Variants in PCDHGA1 observed in about 807,000 individuals in gnomAD.
PCDHGA1 encodes protocadherin gamma-A1.
In PCDHGA1, 32 loss-of-function variants were observed where a neutral mutation model predicts 58.0. The observed-to-expected ratio is 0.55, with a 90% confidence interval of 0.42 to 0.74. The LOEUF (loss-of-function observed/expected upper bound fraction) is 0.74. PCDHGA1 is among the 30% of genes least tolerant of loss of function. The pLI is 0.00. For synonymous variants in PCDHGA1, 498 were observed against 501.1 expected (o/e 0.99, Z 0.08); for missense variants, 1,205 against 1,182.3 (o/e 1.02, Z -0.28).
At chr5:141,410,216 C>T in intron 1 of PCDHGA1, 1 of 1,614,002 alleles carries the variant, frequency 6.2e-7, no homozygotes, top group Non-Finnish European at 8.5e-7. Flanking sequence ...GCAAGAGATA[C>T]TGCCAGACCT....
At chr5:141,364,970 G>C in intron 1 of PCDHGA1, 2 of 1,613,914 alleles carry the variant, frequency 1.2e-6, no homozygotes, top group Non-Finnish European at 1.7e-6. Flanking sequence ...CCTCCTCACA[G>C]CTTTAGATGG....
chr5:141,365,229 A>G (rs1356332881), intron 1 of PCDHGA1: 2 of 1,613,824 alleles, frequency 1.2e-6, no homozygotes, highest in Non-Finnish European at 1.7e-6. Flanking sequence ...AACCTGGGGG[A>G]AATCTCAACT....
intron 1 of PCDHGA1, chr5:141,375,524 G>T: frequency 6.2e-7 from 1 of 1,613,986 alleles, no homozygotes; most frequent in Admixed American, 1.7e-5. Flanking sequence ...GGACCCTGAC[G>T]TGGACCAGAA....
In PCDHGA1 at chr5:141,394,383, C is replaced by G. The variant is rs2092989606; in HGVS notation, c.2421+61278C>G. The G allele has an allele frequency of 3.1e-6, 5 of 1,614,118 alleles. No homozygotes were observed. In the Admixed American group the frequency reaches 5.0e-5, roughly 16 times the overall value. ...TGCGCTGCAATCTTTCGACTATGAG[C>G]AGATCCGAGACCTGCAGCTACTGGT... On this transcript the variant is annotated intron_variant, in intron 1 of 3. Transcript: ENST00000517417.
At chr5:141,336,947 T>C (rs531678504) in intron 1 of PCDHGA1, among the ~76,000 whole-genome samples, 20 of 152,148 alleles carry the variant, frequency 1.3e-4, no homozygotes, top group Non-Finnish European at 2.6e-4. Context: ...TCCCAAACAA[T>C]TGGATGTTAA....
In PCDHGA1 at chr5:141,413,958, G is replaced by A. The variant is rs774080265; in HGVS notation, c.2422-80849G>A. On this transcript the variant is annotated intron_variant, in intron 1 of 3. Coordinates refer to ENST00000517417, the MANE Select transcript of PCDHGA1 (RefSeq NM_018912.3). ...TGAGTGTTCCTGAGAATTTGCCTGT[G>A]GGCACTCAGCTGCTGACAGTCACAG... The A allele has an allele frequency of 5.0e-6, 8 of 1,613,276 alleles. No individual in the cohort carries two copies. In the South Asian group the frequency reaches 6.6e-5, roughly 13 times the overall value.
chr5:141,340,279 T>C (rs764591784), intron 1 of PCDHGA1: 1 of 1,614,116 alleles, frequency 6.2e-7, no homozygotes. Context: ...CCACGGATGC[T>C]CACATTTTGC....
intron 1 of PCDHGA1, among the ~76,000 whole-genome samples, chr5:141,472,742 T>C (rs926507203): frequency 2.0e-5 from 3 of 151,762 alleles, no homozygotes; most frequent in Non-Finnish European, 4.4e-5. Flanking sequence ...TCCCAGCACT[T>C]TGGGAGGCGG....
At position 141,489,425 on chromosome 5, in the gene PCDHGA1, G is replaced by C. The variant is rs779739693; in HGVS notation, c.2422-5382G>C. On this transcript the variant is annotated intron_variant, in intron 1 of 3. Transcript: ENST00000517417. This position sits in a 1 kb window ranked among gnomAD's most constrained non-coding sequence, Gnocchi z 4.5. ...TTAAAGATGACAGATCTGTTGAGCC[G>C]GCGGCTGCAATTGGGCTCTGAGGAG... The C allele has an allele frequency of 4.3e-6, 7 of 1,614,118 alleles. No individual in the cohort carries two copies. The highest frequency in any genetic ancestry group is 1.1e-5 in the South Asian group (1 of 91,070).
Position 141,490,637 on chromosome 5 carries a change from A to C in PCDHGA1, c.2422-4170A>C. ...CTTTACACTGCTTACATCCTAGAAA[A>C]CCGGCCTCCGGGCTCCCTTCTTTGC... is the stretch of plus-strand genomic sequence containing the variant. On this transcript the variant is annotated intron_variant, in intron 1 of 3. Coordinates refer to ENST00000517417, the MANE Select transcript of PCDHGA1 (RefSeq NM_018912.3). This position sits in a 1 kb window ranked among gnomAD's most constrained non-coding sequence, Gnocchi z 5.4. 1 of 1,614,108 alleles carries C rather than the reference A, an allele frequency of 6.2e-7. No individual in the cohort carries two copies. Among genetic ancestry groups the C allele is most frequent in the Non-Finnish European group, 8.5e-7 (1 of 1,179,992 alleles).
rs70988800 is a variant in PCDHGA1, at chr5:141,379,889, C to CTTTTTTTTTTTT, written c.2421+46803_2421+46814dup. Reference sequence around the variant, plus strand: ...CTTATTTTATGGTCTGTGAAAGCCTCTTTTTTTTTTTTTTTTTTTTTTTTT... The same window carrying CTTTTTTTTTTTT: ...CTTATTTTATGGTCTGTGAAAGCCTCTTTTTTTTTTTTTTTTTTTTTTTTTTTTTTTTTTTTT... On this transcript the variant is annotated intron_variant, in intron 1 of 3. Transcript: ENST00000517417. Among the ~76,000 whole-genome samples, 158 of 50,832 alleles carry CTTTTTTTTTTTT rather than the reference C, an allele frequency of 3.1e-3. 25 individuals are homozygous for CTTTTTTTTTTTT. The highest frequency in any genetic ancestry group is 4.7e-3 in the African/African-American group (71 of 15,080). 33.3% of individuals were successfully genotyped at this position (50,832 alleles called of 152,430 possible). A position where few individuals can be genotyped will look rare whatever the true frequency, so the allele number is the denominator to read the frequency against.
chr5:141,409,165 G>T (rs2095233723), intron 1 of PCDHGA1: 1 of 1,613,886 alleles, frequency 6.2e-7, no homozygotes, highest in Admixed American at 1.7e-5. Flanking sequence ...AAGTGGAAGC[G>T]AAGGACGGAG....
chr5:141,339,934 T>C (rs748957161), intron 1 of PCDHGA1: 1 of 1,614,118 alleles, frequency 6.2e-7, no homozygotes, highest in Non-Finnish European at 8.5e-7. Flanking sequence ...ATATTGAAGC[T>C]CAGGATGGTC....
intron 2 of PCDHGA1, among the ~76,000 whole-genome samples, chr5:141,497,539 C>A (rs2099777336): frequency 6.9e-6 from 1 of 145,274 alleles, no homozygotes; most frequent in African/African-American, 2.6e-5. Context: ...ATGCAACAAA[C>A]CTTTTTTTTT....
intron 1 of PCDHGA1, chr5:141,371,027 C>T (rs1393819856): frequency 6.2e-7 from 1 of 1,613,874 alleles, no homozygotes; most frequent in African/African-American, 1.3e-5. Context: ...ACCACCTGGT[C>T]CTCACAGCTG....
In PCDHGA1 at chr5:141,486,476, C is replaced by G. The variant is rs765887978; in HGVS notation, c.2422-8331C>G. The G allele has an allele frequency of 5.0e-6, 8 of 1,613,934 alleles. No homozygotes were observed. In the South Asian group the frequency reaches 7.7e-5, roughly 16 times the overall value. ...TGCTTCTGATGCTGGGAACCCTCCTCTCAGTACCCACAGAACTATTTTCCT... is the reference window on the plus strand; with the variant it reads ...TGCTTCTGATGCTGGGAACCCTCCTGTCAGTACCCACAGAACTATTTTCCT... On this transcript the variant is annotated intron_variant, in intron 1 of 3. Coordinates refer to ENST00000517417, the MANE Select transcript of PCDHGA1 (RefSeq NM_018912.3). The surrounding 1 kb of genome is among the most constrained non-coding windows in gnomAD (Gnocchi z 5.0).
chr5:141,395,136 T>A, intron 1 of PCDHGA1: 1 of 1,614,202 alleles, frequency 6.2e-7, no homozygotes, highest in Non-Finnish European at 8.5e-7. Context: ...CCAGCCCAAC[T>A]ACGCAGACAT....
chr5:141,446,920 C>T (rs2098520337), intron 1 of PCDHGA1, among the ~76,000 whole-genome samples: 1 of 152,108 alleles, frequency 6.6e-6, no homozygotes, highest in African/African-American at 2.4e-5. Flanking sequence ...TATTTATCTT[C>T]CTGATCTCTT....
intron 1 of PCDHGA1, among the ~76,000 whole-genome samples, chr5:141,436,998 A>T (rs985067199): frequency 6.6e-6 from 1 of 152,242 alleles, no homozygotes; most frequent in African/African-American, 2.4e-5. Context: ...GTTTACTTCA[A>T]TGGGATCTTA....
Sources: allele counts gnomAD v4.1 joint callset (sites outside exome capture counted in the v4.1 genomes callset), GRCh38; gene constraint gnomAD v4.1.1; non-coding constraint Gnocchi (gnomAD v3.1); transcripts MANE v1.5; gene names NCBI Gene and HGNC (gene_info 2026-07-23, HGNC 2026-07-21).